The following ARMC9 variants were observed in gnomAD, a reference collection of about 807,000 sequenced individuals.
ARMC9 encodes lisH domain-containing protein ARMC9.
Under a neutral mutation model 107.0 loss-of-function variants are expected in ARMC9, and 94 were observed. The ratio of observed to expected loss-of-function variants is 0.88; its 90% confidence interval spans 0.74 to 1.04. The LOEUF is 1.04. Ranked by LOEUF, ARMC9 falls within the 50% of genes least tolerant of loss-of-function variation. The pLI is 0.00. For synonymous variants in ARMC9, 380 were observed against 396.9 expected, an observed-to-expected ratio of 0.96 and a Z score of 0.51; for missense variants, 942 against 1,030.1, an observed-to-expected ratio of 0.91 and a Z score of 1.17.
At chr2:231,350,042 A>T (rs545528028) in intron 21 of ARMC9, among the ~76,000 whole-genome samples, 2 of 149,492 alleles carry the variant, frequency 1.3e-5, no homozygotes, top group Admixed American at 6.6e-5. Context: ...AAAAAAAAAA[A>T]TTGAGGGGAA....
chr2:231,376,459 C>T lies in ARMC9; in HGVS notation c.*4924C>T, dbSNP rs980985848. Among the ~76,000 whole-genome samples, 4 of 152,110 alleles carry T rather than the reference C, an allele frequency of 2.6e-5. No homozygotes were observed. The highest frequency in any genetic ancestry group is 4.4e-5 in the Non-Finnish European group (3 of 68,026). ...GCGTGGTCGTCTCTTATGGTCGAGG[C>T]TGCAGAGATGAAATAAACTCCAGTC... On this transcript the variant is annotated 3_prime_UTR_variant, in exon 25 of 25. Transcript: ENST00000611582.
intron 20 of ARMC9, among the ~76,000 whole-genome samples, chr2:231,333,794 A>G (rs1267231643): frequency 6.6e-6 from 1 of 152,232 alleles, no homozygotes; most frequent in East Asian, 1.9e-4. Flanking sequence ...GCACGTAAAC[A>G]TGAGCAAGGA....
rs558020519 is a variant in ARMC9, at chr2:231,206,213, G to A, written c.-26G>A. 2 of 1,607,158 alleles carry A rather than the reference G, an allele frequency of 1.2e-6. No individual in the cohort carries two copies. The highest frequency in any genetic ancestry group is 4.5e-5 in the East Asian group (2 of 44,832). ...TGCCTTCTAGAGATTTTTGCTGTGA[G>A]AATTAATTACCAGTAACAGTTCAAT... is the stretch of plus-strand genomic sequence containing the variant. On this transcript the variant is annotated 5_prime_UTR_variant, in exon 2 of 25. Transcript: ENST00000611582.
Position 231,355,841 on chromosome 2 carries a change from A to T in ARMC9, c.2038A>T (p.Arg680Ter). The T allele has an allele frequency of 1.3e-6, 2 of 1,536,110 alleles. No homozygotes were observed. The highest frequency in any genetic ancestry group is 1.7e-6 in the Non-Finnish European group (2 of 1,146,906). Residue 680 changes from arginine to a stop codon, truncating the protein, a stop_gained, in exon 22 of 25, where the codon AGA becomes TGA. Coordinates refer to ENST00000611582, the MANE Select transcript of ARMC9 (RefSeq NM_001352754.2). LOFTEE classifies it high-confidence loss of function. ...HTPPQTAQHA[R>*]NGHPQALPAA... is the part of the protein sequence containing the mutation. ...ACCTCCCCAGACAGCCCAGCACGCC[A>T]GAAACGGCCACCCGCAGGCCCTGCC...
intron 21 of ARMC9, among the ~76,000 whole-genome samples, chr2:231,348,286 G>A (rs779639299): frequency 4.6e-5 from 7 of 152,188 alleles, no homozygotes; most frequent in African/African-American, 1.7e-4. Context: ...TCTGAGTGAC[G>A]CAAGGCCATG....
intron 7 of ARMC9, among the ~76,000 whole-genome samples, chr2:231,228,660 T>TA (rs1416701703): frequency 6.6e-6 from 1 of 152,212 alleles, no homozygotes; most frequent in African/African-American, 2.4e-5. Flanking sequence ...GAAAGGAAAT[T>TA]ACATTCCTCT....
rs1205105985 is a variant in ARMC9 at position 231,270,909 on chromosome 2, G to T, written c.1120-73G>T. The T allele has an allele frequency of 8.6e-6, 11 of 1,283,482 alleles. No homozygotes were observed. In the East Asian group the frequency reaches 2.6e-4, roughly 31 times the overall value. The allele number at this position is 1,283,482 out of a possible 1,614,324, so 79.5% of individuals were successfully genotyped here. On this transcript the variant is annotated intron_variant, in intron 12 of 24. Transcript: ENST00000611582. ...TTCAGGCAGAGGAAGAGAACTACCA[G>T]ACCCGAAGAGGAGGCGTGTGTTTAT...
rs541360475 is a variant in ARMC9 at position 231,240,017 on chromosome 2, T to G, written c.855T>G (p.Ser285Arg). Residue 285 changes from serine to arginine, a missense_variant, in exon 9 of 25, where the codon AGT becomes AGG. Coordinates refer to ENST00000611582, the MANE Select transcript of ARMC9 (RefSeq NM_001352754.2). ...SNQMRQSLAHSVDFTRPGTAS... is the reference protein window; with the variant it reads ...SNQMRQSLAHRVDFTRPGTAS... ...AGATGCGGCAGAGCCTGGCGCATAGTGTGGACTTCACGAGGCCTGGGACGG... is the reference window on the plus strand; with the variant it reads ...AGATGCGGCAGAGCCTGGCGCATAGGGTGGACTTCACGAGGCCTGGGACGG... The G allele has an allele frequency of 6.2e-7, 1 of 1,613,798 alleles. No individual in the cohort carries two copies. Among genetic ancestry groups the G allele is most frequent in the Non-Finnish European group, 8.5e-7 (1 of 1,179,878 alleles).
At chr2:231,321,259 G>C (rs1411113379) in intron 19 of ARMC9, among the ~76,000 whole-genome samples, 1 of 152,170 alleles carries the variant, frequency 6.6e-6, no homozygotes, top group African/African-American at 2.4e-5. Context: ...CTGGAGTGGA[G>C]GTTCCTCATG....
At position 231,297,080 on chromosome 2, in the gene ARMC9, T is replaced by C. The variant is rs1218863074; in HGVS notation, c.1773+827T>C. Among the ~76,000 whole-genome samples the C allele has an allele frequency of 6.6e-6, 1 of 152,056 alleles. No homozygotes were observed. The highest frequency in any genetic ancestry group is 1.5e-5 in the Non-Finnish European group (1 of 67,994). On this transcript the variant is annotated intron_variant, in intron 19 of 24. Transcript: ENST00000611582. The surrounding 1 kb of genome is among the most constrained non-coding windows in gnomAD (Gnocchi z 4.2). ...GCTTGTAAAATGTGTAAAAGCCAGGTTTTTGATCACTGATGGCATCAGTTG... is the reference window on the plus strand; with the variant it reads ...GCTTGTAAAATGTGTAAAAGCCAGGCTTTTGATCACTGATGGCATCAGTTG...
At chr2:231,296,176 T>G (rs56861726) in intron 18 of ARMC9, 22 bp from the exon 19 acceptor site, 2 of 1,593,866 alleles carry the variant, frequency 1.3e-6, no homozygotes, top group African/African-American at 2.7e-5. Context: ...CCATTATTCA[T>G]TGATTCTTTT....
chr2:231,332,604 C>A (rs1402622332), intron 20 of ARMC9, among the ~76,000 whole-genome samples: 11 of 152,238 alleles, frequency 7.2e-5, no homozygotes, highest in African/African-American at 2.6e-4. Context: ...TGGCTTACGA[C>A]CCACCAGCTA....
intron 4 of ARMC9, 108 bp from the exon 5 acceptor site, chr2:231,216,529 AT>A: frequency 8.0e-7 from 1 of 1,246,650 alleles, no homozygotes; most frequent in Non-Finnish European, 1.1e-6. Flanking sequence ...TAGATAGGGG[AT>A]GCCAGCGACA....
chr2:231,276,104 A>AG (rs138883342), intron 14 of ARMC9, among the ~76,000 whole-genome samples: 1 of 152,384 alleles, frequency 6.6e-6, no homozygotes, highest in East Asian at 1.9e-4. Context: ...AAACTTTCAA[A>AG]GTAGGAGGCC....
chr2:231,280,924 C>CT (rs906974810), intron 16 of ARMC9, among the ~76,000 whole-genome samples: 1 of 152,076 alleles, frequency 6.6e-6, no homozygotes, highest in African/African-American at 2.4e-5. Flanking sequence ...CGTAGGATGC[C>CT]TTTTTTTACC....
intron 10 of ARMC9, among the ~76,000 whole-genome samples, chr2:231,258,484 G>A (rs1212957276): frequency 6.6e-6 from 1 of 151,908 alleles, no homozygotes; most frequent in Non-Finnish European, 1.5e-5. Context: ...CCCGGCCCCC[G>A]ACTGCTTACT....
rs2042006305 is a variant in ARMC9 at position 231,305,797 on chromosome 2, A to AAAAAGCC, written c.1773+9544_1773+9545insAAAAGCC. Among the ~76,000 whole-genome samples the AAAAAGCC allele has an allele frequency of 2.0e-5, 3 of 152,182 alleles. No individual in the cohort carries two copies. The South Asian group carries it at 6.2e-4, about 32-fold the overall frequency. On this transcript the variant is annotated intron_variant, in intron 19 of 24. Transcript: ENST00000611582. ...GAGAGGATTCCTGTCTACCCATCAT[A>AAAAAGCC]CAGCTGCAGTGGCTTTTTAATTTCT...
At chr2:231,342,287 C>T (rs529107558) in intron 20 of ARMC9, among the ~76,000 whole-genome samples, 1 of 152,338 alleles carries the variant, frequency 6.6e-6, no homozygotes, top group Admixed American at 6.5e-5. Flanking sequence ...CGCAGTTTCC[C>T]CATCCACTGG....
intron 21 of ARMC9, among the ~76,000 whole-genome samples, chr2:231,354,129 A>G (rs917091293): frequency 1.3e-5 from 2 of 151,892 alleles, no homozygotes; most frequent in Non-Finnish European, 2.9e-5. Context: ...AAACTCAGAA[A>G]AGAGTTCAAA....
Sources: gnomAD v4.1 joint callset for allele counts (sites outside exome capture counted in the v4.1 genomes callset) on GRCh38, gnomAD v4.1.1 for gene constraint, Gnocchi (gnomAD v3.1) non-coding constraint, MANE v1.5 for transcripts, NCBI Gene and HGNC (gene_info 2026-07-23, HGNC 2026-07-21) for gene names.